USP39: variants seen among roughly 807,000 people sequenced by gnomAD.
The protein encoded by USP39 is ubiquitin carboxyl-terminal hydrolase 39.
A neutral mutation model predicts 66.4 loss-of-function variants in USP39; 38 were observed. The ratio of observed to expected loss-of-function variants is 0.57; its 90% CI spans 0.44 to 0.75. The LOEUF (loss-of-function observed/expected upper bound fraction) is 0.75, where lower values mean the gene tolerates loss of function less well. Among genes scored for constraint, USP39 ranks in the 30% least tolerant of loss-of-function variants. The pLI is 0.00. For synonymous variants in USP39, 303 were observed against 274.6 expected, an observed-to-expected ratio of 1.10 and a Z score of -1.02; for missense variants, 608 against 714.4, an observed-to-expected ratio of 0.85 and a Z score of 1.70.
chr2:85,609,355 G>A, upstream of USP39: 1 of 1,546,976 alleles, frequency 6.5e-7, no homozygotes, highest in Non-Finnish European at 8.7e-7. Flanking sequence ...GGGTCCTGAG[G>A]AAAACAGGGC....
chr2:85,616,056 A>G (rs947519338), upstream of USP39: 3 of 1,291,992 alleles, frequency 2.3e-6, no homozygotes, highest in African/African-American at 4.6e-5. Flanking sequence ...CCGCCCACAA[A>G]TTTTCTGCAG....
Position 85,648,798 on chromosome 2 carries a change from AG to A in USP39, c.1693del (p.Ala565LeufsTer6), listed in dbSNP as rs750904740. 4 of 1,614,172 alleles carry A rather than the reference AG, an allele frequency of 2.5e-6. No homozygotes were observed. The South Asian group carries it at 4.4e-5, about 18-fold the overall frequency. On this transcript the variant is annotated frameshift_variant, in exon 13 of 13. Transcript: ENST00000323701. LOFTEE classifies it high-confidence loss of function. ...CGAGATAATGATGAAACCAACCAGC[AG>A]GGGGCTTGAAGGAGGCGTCTAGGGC... The part of the protein sequence containing the change: ...KRRDNDETNQ[Q>X]GA
chr2:85,603,041 C>T lies in USP39; in HGVS notation n.186C>T, dbSNP rs536187871. 4 of 152,364 alleles carry T rather than the reference C, an allele frequency of 2.6e-5. No homozygotes were observed. In the East Asian group the frequency reaches 7.7e-4, roughly 29 times the overall value. The allele number at this position is 152,364 out of a possible 1,614,324, so 9.4% of individuals were successfully genotyped here. On this transcript the variant is annotated non_coding_transcript_exon_variant, in exon 1 of 13. Transcript: ENST00000459775. ...CGTGCACATGGCTGGAGGAGCGTCT[C>T]TCCGCCACTGCGCACATTTTGCAGC...
intron 5 of USP39, 131 bp from the exon 6 acceptor site, chr2:85,630,590 C>T: frequency 1.3e-6 from 1 of 755,870 alleles, no homozygotes; most frequent in Non-Finnish European, 2.2e-6. Flanking sequence ...TCCAAGGGTC[C>T]ATTTACTTTT....
chr2:85,647,884 T>C, intron 11 of USP39, 46 bp from the exon 12 acceptor site: 1 of 1,583,022 alleles, frequency 6.3e-7, no homozygotes, highest in Non-Finnish European at 8.7e-7. Flanking sequence ...CTACACCCTT[T>C]TGGTTTTAGA....
At chr2:85,603,510 G>GA (rs1386662724) in intron 1 of USP39, among the ~76,000 whole-genome samples, 3 of 152,078 alleles carry the variant, frequency 2.0e-5, no homozygotes, top group Non-Finnish European at 4.4e-5. Flanking sequence ...GATAGTGTGG[G>GA]AAAAATTACT....
intron 11 of USP39, among the ~76,000 whole-genome samples, chr2:85,646,518 C>A (rs1430727139): frequency 6.6e-6 from 1 of 152,168 alleles, no homozygotes; most frequent in Non-Finnish European, 1.5e-5. Flanking sequence ...GGATTTGACC[C>A]AGGTACTCTG....
Position 85,644,119 on chromosome 2 carries a change from CTG to C in USP39, c.1428-827_1428-826del, listed in dbSNP as rs546464211. Among the ~76,000 whole-genome samples the C allele has an allele frequency of 4.5e-4, 68 of 152,272 alleles. No homozygotes were observed. In the East Asian group the frequency reaches 0.013, roughly 28 times the overall value. ...TACCACATGGTTTACATTTTAAACT[CTG>C]TAATTTTGAACAGTTAATATGTTCA... is the stretch of plus-strand genomic sequence containing the variant. On this transcript the variant is annotated intron_variant, in intron 10 of 12. Coordinates refer to ENST00000323701, the MANE Select transcript of USP39 (RefSeq NM_006590.4).
chr2:85,638,605 C>A (rs1675981080), intron 8 of USP39, among the ~76,000 whole-genome samples: 1 of 151,068 alleles, frequency 6.6e-6, no homozygotes, highest in Non-Finnish European at 1.5e-5. Context: ...ATGGCACTAT[C>A]TCGGCTCACC....
chr2:85,646,297 G>A (rs1166558468), intron 11 of USP39: 1 of 152,204 alleles, frequency 6.6e-6, no homozygotes, highest in Non-Finnish European at 1.5e-5. Context: ...CATTTGATTA[G>A]CCTCTTCTGG....
At chr2:85,632,221 G>T (rs1206923995) in intron 6 of USP39, among the ~76,000 whole-genome samples, 1 of 152,108 alleles carries the variant, frequency 6.6e-6, no homozygotes, top group Non-Finnish European at 1.5e-5. Context: ...TAAGAAACAC[G>T]ATTTTTCTCT....
chr2:85,643,484 ACT>A (rs1308835389), intron 10 of USP39, among the ~76,000 whole-genome samples: 5 of 150,644 alleles, frequency 3.3e-5, no homozygotes, highest in African/African-American at 4.9e-5. Flanking sequence ...ACAGAGCGAG[ACT>A]CTGTCTCAAA....
At chr2:85,617,182 G>A (rs1014176485) in intron 1 of USP39, among the ~76,000 whole-genome samples, 11 of 135,840 alleles carry the variant, frequency 8.1e-5, no homozygotes, top group African/African-American at 3.1e-4. Context: ...TCGAACTCCT[G>A]GACTCAAGTG....
Position 85,616,452 on chromosome 2 carries a change from G to C in USP39, c.257G>C (p.Arg86Pro). The C allele has an allele frequency of 1.3e-6, 2 of 1,554,250 alleles. No individual in the cohort carries two copies. The highest frequency in any genetic ancestry group is 1.7e-6 in the Non-Finnish European group (2 of 1,144,942). ...GTCGATGAGGACTCGGAGCCTGAGC[G>C]GGAGGTGCGAGGTGCGCGGGGCCGG... ...REVDEDSEPE[R>P]EVRAKNGRVD... Residue 86 changes from arginine (R) to proline (P), a missense_variant, in exon 1 of 13, where the codon CGG (arginine) becomes CCG (proline). Arg to Pro is a moderately radical substitution (Grantham distance 103). Transcript: ENST00000323701.
intron 12 of USP39, among the ~76,000 whole-genome samples, chr2:85,648,288 C>T (rs1489289986): frequency 3.3e-5 from 5 of 152,126 alleles, no homozygotes; most frequent in East Asian, 3.9e-4. Flanking sequence ...CAGAAGTGTG[C>T]GGTCTGGTTT....
rs1176241606 is a variant in USP39, at chr2:85,621,513, C to CTT, written c.368_369insTT (p.Ser125ValfsTer25). 1 of 1,614,008 alleles carries CTT rather than the reference C, an allele frequency of 6.2e-7. No individual in the cohort carries two copies. The highest frequency in any genetic ancestry group is 8.5e-7 in the Non-Finnish European group (1 of 1,179,966). On this transcript the variant is annotated frameshift_variant, in exon 3 of 13. Coordinates refer to ENST00000323701, the MANE Select transcript of USP39 (RefSeq NM_006590.4). LOFTEE classifies it high-confidence loss of function. The stretch of plus-strand genomic sequence containing the variant: ...TGTGCTGGACTTTGACTTTGAGAAA[C>CTT]TGTGTTCTATCTCCCTCTCACACAT...
At chr2:85,610,920 G>A (rs376550825), upstream of USP39, 758 of 124,598 alleles carry the variant, frequency 6.1e-3, 6 homozygotes, top group Middle Eastern at 0.03. Flanking sequence ...CACCACGCCC[G>A]GCTAATTTTT....
intron 1 of USP39, 124 bp downstream of exon 1, chr2:85,616,587 A>C (rs1329848336): frequency 7.3e-7 from 1 of 1,377,474 alleles, no homozygotes; most frequent in African/African-American, 1.5e-5. Flanking sequence ...GGGGTGGAGA[A>C]GAGGAGGGAT....
At chr2:85,618,398 C>T (rs1356939276) in intron 1 of USP39, among the ~76,000 whole-genome samples, 1 of 151,828 alleles carries the variant, frequency 6.6e-6, no homozygotes, top group South Asian at 2.1e-4. Flanking sequence ...CCCGTCTCTT[C>T]TAAAAGTATG....
Sources: gnomAD v4.1 joint callset for allele counts (sites outside exome capture counted in the v4.1 genomes callset) on GRCh38, gnomAD v4.1.1 for gene constraint, MANE v1.5 for transcripts, NCBI Gene and HGNC (gene_info 2026-07-23, HGNC 2026-07-21) for gene names.